The following PCLO variants were observed in gnomAD, a reference collection of about 807,000 sequenced individuals.
The protein encoded by PCLO is protein piccolo.
PCLO carries 82 observed loss-of-function variants against 427.5 expected under a neutral mutation model. That is an observed-to-expected ratio of 0.19 (90% confidence interval 0.16 to 0.23). PCLO has a LOEUF of 0.23. Among genes scored for constraint, PCLO ranks in the 10% least tolerant of loss-of-function variants. The pLI is 1.00. For missense variants in PCLO, 6,239 were observed against 6,115.9 expected (o/e 1.02, Z -0.67); for synonymous variants, 2,357 against 2,155.4 (o/e 1.09, Z -2.59).
rs2129467561 is a variant in PCLO, at chr7:82,761,458, A to G, written c.15043T>C (p.Leu5015=). 1.9e-6 allele frequency: 3 copies of G among 1,598,890 alleles called. No individual in the cohort carries two copies. The highest frequency in any genetic ancestry group is 1.7e-6 in the Non-Finnish European group (2 of 1,171,732). The change falls in exon 23 of 25, where the codon TTG becomes CTG. Residue 5015 remains leucine (L), a synonymous_variant. Coordinates refer to ENST00000333891, the MANE Select transcript of PCLO (RefSeq NM_033026.6). Reference sequence around the variant, plus strand: ...CCATCTGTCTTCATTTCCTTCTTCAATGCAATCTTGATTTCTCCCATTACC... The same window carrying G: ...CCATCTGTCTTCATTTCCTTCTTCAGTGCAATCTTGATTTCTCCCATTACC... ...TQVMGEIKIA[L]KKEMKTDGEQ...
intron 10 of PCLO, among the ~76,000 whole-genome samples, chr7:82,860,165 G>A (rs529054994): frequency 6.6e-6 from 1 of 152,190 alleles, no homozygotes; most frequent in East Asian, 1.9e-4. Context: ...TATTCAAAGG[G>A]ATAATGACAG....
At chr7:83,110,045 T>C (rs983826057) in intron 3 of PCLO, among the ~76,000 whole-genome samples, 3 of 151,238 alleles carry the variant, frequency 2.0e-5, no homozygotes, top group Admixed American at 1.3e-4. Context: ...TAAAAATATA[T>C]GGTTTTGGAT....
At chr7:82,799,925 C>T (rs1287105866) in intron 22 of PCLO, among the ~76,000 whole-genome samples, 1 of 152,066 alleles carries the variant, frequency 6.6e-6, no homozygotes, top group Non-Finnish European at 1.5e-5. Context: ...TCATTTGTTT[C>T]CTCTATTTCA....
chr7:82,966,631 A>C, intron 3 of PCLO, 144 bp from the exon 4 acceptor site: 1 of 473,204 alleles, frequency 2.1e-6, no homozygotes, highest in Non-Finnish European at 3.7e-6. Flanking sequence ...AAATCCAATG[A>C]CGCAGTAATT....
chr7:82,847,183 A>T lies in PCLO; in HGVS notation c.13719T>A (p.Ser4573Arg). The part of the protein sequence containing the change: ...LTSKTYEEVQ[S>R]IISQQSGEAE... The stretch of plus-strand genomic sequence containing the variant: ...CTTCCCCACTTTGCTGACTAATGAT[A>T]CTCTGAACTTCTTCATATGTTTTAG... Residue 4573 changes from serine (S) to arginine (R), a missense_variant, in exon 11 of 25, where the codon AGT (serine) becomes AGA (arginine). By Grantham distance (110) the Ser-to-Arg change is moderately radical. Around this residue, in one of 5 missense-constraint regions of PCLO, gnomAD observed 877 missense variants for 925.5 expected, o/e 0.95. Transcript: ENST00000333891. The T allele has an allele frequency of 6.2e-7, 1 of 1,605,882 alleles. No individual in the cohort carries two copies. The highest frequency in any genetic ancestry group is 1.3e-5 in the African/African-American group (1 of 74,862).
In PCLO at chr7:82,757,518, T is replaced by C. The variant is rs905765987; in HGVS notation, c.*1057A>G. The C allele has an allele frequency of 6.6e-5, 10 of 152,048 alleles. No homozygotes were observed. The highest frequency in any genetic ancestry group is 2.4e-4 in the African/African-American group (10 of 41,534). 9.4% of individuals were successfully genotyped at this position (152,048 alleles called of 1,614,324 possible). A position where few individuals can be genotyped will look rare whatever the true frequency, so the allele number is the denominator to read the frequency against. ...TCATTAAGGAAAAAAGCATAAAATATTATGAAATGAGGATCCATTTAATTA... is the reference window on the plus strand; with the variant it reads ...TCATTAAGGAAAAAAGCATAAAATACTATGAAATGAGGATCCATTTAATTA... On this transcript the variant is annotated 3_prime_UTR_variant, in exon 25 of 25. Transcript: ENST00000333891.
At chr7:83,018,941 A>C (rs563659376) in intron 3 of PCLO, among the ~76,000 whole-genome samples, 1 of 152,128 alleles carries the variant, frequency 6.6e-6, no homozygotes, top group East Asian at 1.9e-4. Flanking sequence ...TAAAACATTG[A>C]GTTATGAAGA....
At chr7:82,878,404 A>G (rs1277573280) in intron 10 of PCLO, among the ~76,000 whole-genome samples, 1 of 152,200 alleles carries the variant, frequency 6.6e-6, no homozygotes, top group Non-Finnish European at 1.5e-5. Context: ...GAAATGACAG[A>G]AAAACATTTA....
intron 22 of PCLO, among the ~76,000 whole-genome samples, chr7:82,767,856 G>A (rs923100451): frequency 2.0e-5 from 3 of 151,714 alleles, no homozygotes; most frequent in African/African-American, 7.3e-5. Context: ...GGATTCAGGA[G>A]AAAAAGAAAT....
chr7:82,962,602 A>G (rs902557321), intron 4 of PCLO, among the ~76,000 whole-genome samples: 3 of 152,026 alleles, frequency 2.0e-5, no homozygotes, highest in African/African-American at 7.2e-5. Context: ...AAGAATTACT[A>G]TTGTGAACCC....
intron 3 of PCLO, among the ~76,000 whole-genome samples, chr7:83,034,985 A>G (rs1353307849): frequency 1.3e-5 from 2 of 152,230 alleles, no homozygotes; most frequent in Non-Finnish European, 2.9e-5. Flanking sequence ...ATTATAATAC[A>G]AAATATTTTT....
chr7:82,812,536 G>A (rs985713248), intron 20 of PCLO, among the ~76,000 whole-genome samples: 1 of 151,306 alleles, frequency 6.6e-6, no homozygotes, highest in Non-Finnish European at 1.5e-5. Context: ...ATGAAAGAAA[G>A]TTTGACTAAG....
chr7:82,949,597 A>T lies in PCLO; in HGVS notation c.10991T>A (p.Val3664Asp), dbSNP rs770768480. ...QKVLHPDMAKVPPASPKTAKM... is the reference protein window; with the variant it reads ...QKVLHPDMAKDPPASPKTAKM... ...GGCTGTCTTAGGACTTGCTGGGGGA[A>T]CTTTAGCCATATCTGGATGCAGTAC... The change falls in exon 6 of 25, where the codon GTT (valine) becomes GAT (aspartate). Residue 3664 changes from valine (V) to aspartate (D), a missense_variant. Val to Asp is a radical substitution (Grantham distance 152, BLOSUM62 -3). Around this residue, in one of 5 missense-constraint regions of PCLO, gnomAD observed 4,677 missense variants for 4,468.4 expected, o/e 1.05. Coordinates refer to ENST00000333891, the MANE Select transcript of PCLO (RefSeq NM_033026.6). The T allele has an allele frequency of 1.2e-6, 2 of 1,613,866 alleles. No homozygotes were observed. The highest frequency in any genetic ancestry group is 1.3e-5 in the African/African-American group (1 of 75,018).
chr7:83,006,203 C>G (rs922624609), intron 3 of PCLO, among the ~76,000 whole-genome samples: 1 of 151,618 alleles, frequency 6.6e-6, no homozygotes, highest in Non-Finnish European at 1.5e-5. Flanking sequence ...TAAATGAGAT[C>G]AACTTTAGAT....
At chr7:83,046,628 A>G (rs1443381050) in intron 3 of PCLO, among the ~76,000 whole-genome samples, 1 of 152,054 alleles carries the variant, frequency 6.6e-6, no homozygotes, top group African/African-American at 2.4e-5. Flanking sequence ...ATCACAGAAT[A>G]TGAATACATA....
chr7:82,929,964 T>C (rs1794801536), intron 6 of PCLO, among the ~76,000 whole-genome samples: 1 of 152,182 alleles, frequency 6.6e-6, no homozygotes, highest in African/African-American at 2.4e-5. Flanking sequence ...GACTCTGGTA[T>C]TGCTTCTACC....
At chr7:82,771,146 C>T (rs1267604245) in intron 22 of PCLO, among the ~76,000 whole-genome samples, 1 of 151,854 alleles carries the variant, frequency 6.6e-6, no homozygotes, top group Non-Finnish European at 1.5e-5. Context: ...CTCCTAAGTT[C>T]AGCTTGGATA....
rs1791447563 is a variant in PCLO, at chr7:82,805,821, G to C, written c.14800C>G (p.Pro4934Ala). ...GAGCTTTCTGCAGGCCGGTGATTGGGAGGCTTTGCTGCATGGTGTGGGAAG... is the reference window on the plus strand; with the variant it reads ...GAGCTTTCTGCAGGCCGGTGATTGGCAGGCTTTGCTGCATGGTGTGGGAAG... ...QQLRIQPTKP[P>A]NHRPAESSVS... The change falls in exon 21 of 25, where the codon CCC becomes GCC. Residue 4934 changes from proline to alanine, a missense_variant. Physicochemically the swap from Pro to Ala is conservative, Grantham distance 27. Transcript: ENST00000333891. 6.2e-7 allele frequency: 1 copy of C among 1,601,378 alleles called. No homozygotes were observed. The highest frequency in any genetic ancestry group is 1.7e-5 in the Admixed American group (1 of 58,224).
chr7:82,915,653 C>T lies in PCLO; in HGVS notation c.12333G>A (p.Glu4111=). The change falls in exon 7 of 25, where the codon GAG becomes GAA. Residue 4111 remains glutamate, a synonymous_variant. Transcript: ENST00000333891. ...SSRLHSYVKA[E]EDPMEDPYEL... ...CGTAAGGATCCTCCATTGGGTCTTCCTCCGCCTTCACATAACTATGCAATC... is the reference window on the plus strand; with the variant it reads ...CGTAAGGATCCTCCATTGGGTCTTCTTCCGCCTTCACATAACTATGCAATC... 6.2e-7 allele frequency: 1 copy of T among 1,613,422 alleles called. No individual in the cohort carries two copies. The highest frequency in any genetic ancestry group is 1.1e-5 in the South Asian group (1 of 91,072).
Sources: allele counts gnomAD v4.1 joint callset (sites outside exome capture counted in the v4.1 genomes callset), GRCh38; gene constraint gnomAD v4.1.1; regional missense constraint gnomAD v4.1.1; transcripts MANE v1.5; gene names NCBI Gene and HGNC (gene_info 2026-07-23, HGNC 2026-07-21).